The following FLII variants were observed in gnomAD, a reference collection of about 807,000 sequenced individuals.
The protein encoded by FLII is protein flightless-1 homolog.
In FLII, 101 loss-of-function variants were observed where a neutral mutation model predicts 156.2. The observed-to-expected ratio is 0.65, with a 90% confidence interval of 0.55 to 0.76. FLII has a LOEUF of 0.76. Ranked by LOEUF, FLII falls within the 30% of genes least tolerant of loss-of-function variation. FLII has a pLI of 0.00. For synonymous variants in FLII, 767 were observed against 685.8 expected (o/e 1.12, Z -1.85); for missense variants, 1,675 against 1,682.8 (o/e 1.00, Z 0.08).
intron 6 of FLII, 121 bp from the exon 7 acceptor site, chr17:18,254,303 T>G: frequency 1.1e-6 from 1 of 870,578 alleles, no homozygotes; most frequent in South Asian, 1.7e-5. Context: ...CACATCTGGT[T>G]GAAGGGACAA....
At position 18,252,109 on chromosome 17, in the gene FLII, G is replaced by A. The variant is rs574531961; in HGVS notation, c.1136C>T (p.Pro379Leu). The A allele has an allele frequency of 1.3e-5, 21 of 1,613,252 alleles. No homozygotes were observed. The highest frequency in any genetic ancestry group is 5.3e-5 in the African/African-American group (4 of 74,940). Residue 379 changes from proline (P) to leucine (L), a missense_variant, in exon 11 of 30, where the codon CCG (proline) becomes CTG (leucine). Transcript: ENST00000327031. ...DVRENPNLVMPPKPADRAAEW... is the reference protein window; with the variant it reads ...DVRENPNLVMLPKPADRAAEW... ...AGCGGCACGGTCTGCGGGCTTGGGC[G>A]GCATGACCAGGTTGGGGTTCTCCCG...
rs1438932276 is a variant in FLII at position 18,247,140 on chromosome 17, C to T, written c.2676+29G>A. On this transcript the variant is annotated intron_variant, in intron 21 of 29. Transcript: ENST00000327031. ...CTCGGCCTGCCCCCCACCCCCCCCC[C>T]CGCGCCCCGGTCCCGGCCCTGCCCC... 8.1e-4 allele frequency: 1,088 copies of T among 1,339,048 alleles called. 3 individuals are homozygous for T. Among genetic ancestry groups the T allele is most frequent in the Non-Finnish European group, 1.0e-3 (1,005 of 1,007,884 alleles). 82.9% of individuals were successfully genotyped at this position (1,339,048 alleles called of 1,614,324 possible).
In FLII at chr17:18,253,463, A is replaced by C. The variant is rs769505769; in HGVS notation, c.856-5T>G. The C allele has an allele frequency of 1.9e-6, 3 of 1,613,682 alleles. No homozygotes were observed. Among genetic ancestry groups the C allele is most frequent in the Non-Finnish European group, 2.5e-6 (3 of 1,179,992 alleles). ...GCTCAGCTTGCAAATGGCTGACTGG[A>C]GGGGGAACGGGCAGGGGTGGGAGGT... On this transcript the variant is annotated splice_region_variant and splice_polypyrimidine_tract_variant and intron_variant, in intron 8 of 29. Transcript: ENST00000327031.
chr17:18,245,528 T>A, intron 28 of FLII, 27 bp downstream of exon 28: 1 of 1,612,110 alleles, frequency 6.2e-7, no homozygotes, highest in Non-Finnish European at 8.5e-7. Flanking sequence ...CCTCCTTGGA[T>A]GGGCAGGGCT....
chr17:18,251,131 G>C, intron 13 of FLII, 114 bp from the exon 14 acceptor site: 1 of 1,415,854 alleles, frequency 7.1e-7, no homozygotes. Flanking sequence ...TACTGCCCCT[G>C]TGCCTGGACC....
Position 18,258,559 on chromosome 17 carries a change from G to A in FLII, c.63+69C>T. 4 of 1,521,840 alleles carry A rather than the reference G, an allele frequency of 2.6e-6. No individual in the cohort carries two copies. Among genetic ancestry groups the A allele is most frequent in the Non-Finnish European group, 2.6e-6 (3 of 1,141,894 alleles). The allele number at this position is 1,521,840 out of a possible 1,614,324, so 94.3% of individuals were successfully genotyped here. A position where few individuals can be genotyped will look rare whatever the true frequency, so the allele number is the denominator to read the frequency against. Reference sequence around the variant, plus strand: ...CCTGGAGCCGAGCGGGACAGGAAGCGGAGGCCAAGCGGGCCGGGCGGAAGA... The same window carrying A: ...CCTGGAGCCGAGCGGGACAGGAAGCAGAGGCCAAGCGGGCCGGGCGGAAGA... On this transcript the variant is annotated intron_variant, in intron 1 of 29. Coordinates refer to ENST00000327031, the MANE Select transcript of FLII (RefSeq NM_002018.4). This position sits in a 1 kb window ranked among gnomAD's most constrained non-coding sequence, Gnocchi z 4.2.
chr17:18,245,004 C>A lies in FLII; in HGVS notation c.*134G>T, dbSNP rs11540885. ...GTCAGGGTCATCCCCATTGGTGCTG[C>A]TTGAGGCTACTGGGGACTGTGGCAC... On this transcript the variant is annotated 3_prime_UTR_variant, in exon 30 of 30. Coordinates refer to ENST00000327031, the MANE Select transcript of FLII (RefSeq NM_002018.4). The A allele has an allele frequency of 1.1e-5, 11 of 984,476 alleles. No homozygotes were observed. Among genetic ancestry groups the A allele is most frequent in the Non-Finnish European group, 1.7e-5 (11 of 659,354 alleles). The allele number at this position is 984,476 out of a possible 1,614,324, so 61.0% of individuals were successfully genotyped here. A position where few individuals can be genotyped will look rare whatever the true frequency, so the allele number is the denominator to read the frequency against.
intron 11 of FLII, 58 bp downstream of exon 11, chr17:18,251,941 T>G (rs1597914007): frequency 6.2e-7 from 1 of 1,603,302 alleles, no homozygotes; most frequent in Non-Finnish European, 8.5e-7. Context: ...TTTACAGATG[T>G]GTCATTTGAG....
rs781437549 is a variant in FLII at position 18,249,207 on chromosome 17, C to T, written c.1860-6G>A. 4.3e-6 allele frequency: 7 copies of T among 1,613,990 alleles called. No individual in the cohort carries two copies. Among genetic ancestry groups the T allele is most frequent in the African/African-American group, 2.7e-5 (2 of 74,918 alleles). On this transcript the variant is annotated splice_polypyrimidine_tract_variant and splice_region_variant and intron_variant, in intron 15 of 29. Transcript: ENST00000327031. ...TCCCATACACACGATACATCCTGGGCGCAGGGCAAGAGTGGCTCAGTGTAG... is the reference window on the plus strand; with the variant it reads ...TCCCATACACACGATACATCCTGGGTGCAGGGCAAGAGTGGCTCAGTGTAG...
At chr17:18,248,982 T>TCTGG in intron 16 of FLII, 99 bp from the exon 17 acceptor site, 14 of 1,409,184 alleles carry the variant, frequency 9.9e-6, no homozygotes, top group Non-Finnish European at 1.4e-5. Flanking sequence ...CTATGGGGTT[T>TCTGG]CTGGGTAAGC....
rs753015486 is a variant in FLII, at chr17:18,254,501, C to T, written c.575+20G>A. 1.5e-4 allele frequency: 238 copies of T among 1,587,752 alleles called. No homozygotes were observed. The highest frequency in any genetic ancestry group is 5.9e-4 in the East Asian group (26 of 44,390). ...CCTCAGGGTGGCTTCTGCAGGAGTG[C>T]GGTCCGAGGGGGCGCCCACCGGAGC... On this transcript the variant is annotated intron_variant, in intron 6 of 29. Coordinates refer to ENST00000327031, the MANE Select transcript of FLII (RefSeq NM_002018.4).
In FLII at chr17:18,247,034, C is replaced by T. The variant is rs748044222; in HGVS notation, c.2695G>A (p.Glu899Lys). ...SLAEAEQLME[E>K]WNEDLDGMEG... is the part of the protein sequence containing the mutation. The stretch of plus-strand genomic sequence containing the variant: ...ATGCCGTCTAGGTCTTCGTTCCACT[C>T]CTCCATCAGCTGCTCCGCCTGCAGG... The change falls in exon 22 of 30, where the codon GAG (glutamate) becomes AAG (lysine). Residue 899 changes from glutamate (E) to lysine (K), a missense_variant. Physicochemically the swap from Glu to Lys is moderately conservative, Grantham distance 56. Around this residue, in one of 2 missense-constraint regions of FLII, gnomAD observed 1,332 missense variants for 1,269.3 expected, o/e 1.05. Coordinates refer to ENST00000327031, the MANE Select transcript of FLII (RefSeq NM_002018.4). The T allele has an allele frequency of 6.2e-7, 1 of 1,613,616 alleles. No individual in the cohort carries two copies. Among genetic ancestry groups the T allele is most frequent in the Admixed American group, 1.7e-5 (1 of 60,032 alleles).
In FLII at chr17:18,253,282, C is replaced by CCCCAG; in HGVS notation, c.1013+14_1013+18dup. Reference sequence around the variant, plus strand: ...TCTGTGCTGCAAGTGCCTCTGCTAGCCCCAGCCCTGCCCAGCACCTGCAGA... The same window carrying CCCCAG: ...TCTGTGCTGCAAGTGCCTCTGCTAGCCCCAGCCCAGCCCTGCCCAGCACCTGCAGA... On this transcript the variant is annotated intron_variant, in intron 9 of 29. Coordinates refer to ENST00000327031, the MANE Select transcript of FLII (RefSeq NM_002018.4). 6.2e-7 allele frequency: 1 copy of CCCCAG among 1,613,434 alleles called. No homozygotes were observed.
rs766100040 is a variant in FLII, at chr17:18,254,825, G to A, written c.357C>T (p.Cys119=). Residue 119 remains cysteine, a synonymous_variant, in exon 5 of 30, where the codon TGC becomes TGT. Transcript: ENST00000327031. Reference sequence around the variant, plus strand: ...TCTTGGCGTTCTCCAGCTCCCGCGGGCACTCTGTCAGCTGGTTGTGGCTCA... The same window carrying A: ...TCTTGGCGTTCTCCAGCTCCCGCGGACACTCTGTCAGCTGGTTGTGGCTCA... The part of the protein sequence containing the change: ...LDLSHNQLTE[C]PRELENAKNM... 1.2e-6 allele frequency: 2 copies of A among 1,614,162 alleles called. No individual in the cohort carries two copies. The highest frequency in any genetic ancestry group is 1.7e-6 in the Non-Finnish European group (2 of 1,180,022).
At chr17:18,246,255 A>G (rs774309595) in intron 24 of FLII, 33 bp from the exon 25 acceptor site, 2 of 1,614,148 alleles carry the variant, frequency 1.2e-6, no homozygotes, top group Non-Finnish European at 1.7e-6. Flanking sequence ...GCAAGGATTC[A>G]GGCCTGGCTC....
intron 6 of FLII, 139 bp downstream of exon 6, chr17:18,254,382 G>A (rs2048355447): frequency 2.3e-6 from 2 of 885,450 alleles, no homozygotes; most frequent in East Asian, 2.6e-5. Context: ...TACTTAGGAG[G>A]TTGTACACTG....
chr17:18,250,619 G>A (rs772048761), intron 14 of FLII, among the ~76,000 whole-genome samples: 7 of 152,062 alleles, frequency 4.6e-5, no homozygotes, highest in Non-Finnish European at 1.0e-4. Flanking sequence ...ATTCTGCCCC[G>A]CGTTCCAGAA....
At chr17:18,251,573 T>A in intron 12 of FLII, 96 bp from the exon 13 acceptor site, 51 of 1,575,286 alleles carry the variant, frequency 3.2e-5, no homozygotes, top group Non-Finnish European at 4.3e-5. Flanking sequence ...GCACAGCTGT[T>A]CTTTCTGCCC....
At position 18,258,617 on chromosome 17, in the gene FLII, G is replaced by GC. The variant is rs2048502031; in HGVS notation, c.63+10dup. The GC allele has an allele frequency of 1.3e-6, 2 of 1,554,670 alleles. No individual in the cohort carries two copies. Among genetic ancestry groups the GC allele is most frequent in the South Asian group, 2.3e-5 (2 of 85,306 alleles). On this transcript the variant is annotated intron_variant, in intron 1 of 29. Transcript: ENST00000327031. The surrounding 1 kb of genome is among the most constrained non-coding windows in gnomAD (Gnocchi z 4.2). ...TGCAGGGAGGCCCGGCACGCGCCCG[G>GC]CCCGGCTCACCTTGAAGTCGTTGCC... is the stretch of plus-strand genomic sequence containing the variant.
Sources: allele counts gnomAD v4.1 joint callset (sites outside exome capture counted in the v4.1 genomes callset), GRCh38; gene constraint gnomAD v4.1.1; regional missense constraint gnomAD v4.1.1; non-coding constraint Gnocchi (gnomAD v3.1); transcripts MANE v1.5; gene names NCBI Gene and HGNC (gene_info 2026-07-23, HGNC 2026-07-21).